Variants in DNMT3A observed in about 807,000 individuals in gnomAD.
DNMT3A encodes DNA (cytosine-5)-methyltransferase 3A.
A neutral mutation model predicts 117.6 loss-of-function variants in DNMT3A; 267 were observed. The ratio of observed to expected loss-of-function variants is 2.27; its 90% CI spans 2.05 to 2.51. The LOEUF (loss-of-function observed/expected upper bound fraction) is 2.51. DNMT3A is among the 30% of genes most tolerant of loss of function. The probability of loss-of-function intolerance (pLI) is 0.00; values close to 1 mark genes in which losing one functional copy is unlikely to be tolerated. For missense variants in DNMT3A, 1,029 were observed against 1,260.2 expected, an observed-to-expected ratio of 0.82 and a Z score of 2.78; for synonymous variants, 432 against 474.8, an observed-to-expected ratio of 0.91 and a Z score of 1.17.
At chr2:25,326,000 G>C (rs572875606) in intron 1 of DNMT3A, among the ~76,000 whole-genome samples, 16 of 152,294 alleles carry the variant, frequency 1.1e-4, no homozygotes, top group Non-Finnish European at 2.1e-4. Flanking sequence ...CACAGAATGG[G>C]ATAAGAAGAC....
rs1299779070 is a variant in DNMT3A, at chr2:25,248,189, C to A, written c.703G>T (p.Glu235Ter). The A allele has an allele frequency of 6.2e-7, 1 of 1,613,458 alleles. No homozygotes were observed. The highest frequency in any genetic ancestry group is 1.7e-4 in the Middle Eastern group (1 of 6,032). ...CTGGCCTCCTCCACCTTCTGAGACT[C>A]CCCGGGCCCCTGGTTTTCTTCCACA... ...NAVEENQGPG[E>*]SQKVEEASPP... The change falls in exon 7 of 23, where the codon GAG becomes TAG. Residue 235 changes from glutamate (E) to a stop codon, truncating the protein, a stop_gained. Transcript: ENST00000321117. LOFTEE classifies it high-confidence loss of function.
At chr2:25,269,598 A>G (rs13428812) in intron 6 of DNMT3A, among the ~76,000 whole-genome samples, 46,442 of 151,960 alleles carry the variant, frequency 0.31, 7,204 homozygotes, top group Middle Eastern at 0.39. Flanking sequence ...TGAAGACTTG[A>G]GAAATAGCCA....
intron 4 of DNMT3A, among the ~76,000 whole-genome samples, chr2:25,277,259 CCT>C (rs1323877063): frequency 1.3e-5 from 2 of 152,218 alleles, no homozygotes; most frequent in East Asian, 3.8e-4. Flanking sequence ...TCCTTTCCGT[CCT>C]CTCTCCCACC....
chr2:25,255,806 G>A (rs1676054259), intron 6 of DNMT3A, among the ~76,000 whole-genome samples: 1 of 152,162 alleles, frequency 6.6e-6, no homozygotes, highest in Non-Finnish European at 1.5e-5. Context: ...TCATTGAAGA[G>A]TCATGATCAT....
rs1349773028 is a variant in DNMT3A at position 25,314,006 on chromosome 2, G to A, written c.-22C>T. 2 of 1,523,222 alleles carry A rather than the reference G, an allele frequency of 1.3e-6. No homozygotes were observed. Among genetic ancestry groups the A allele is most frequent in the Non-Finnish European group, 1.8e-6 (2 of 1,134,382 alleles). The allele number at this position is 1,523,222 out of a possible 1,614,324, so 94.4% of individuals were successfully genotyped here. A position where few individuals can be genotyped will look rare whatever the true frequency, so the allele number is the denominator to read the frequency against. ...GCATCTGGGCGCCGGGAGGCAGGCT[G>A]GGGCTGCGCGGGGCTGGGGGGCTGC... On this transcript the variant is annotated 5_prime_UTR_variant, in exon 2 of 23. Transcript: ENST00000321117.
Position 25,239,181 on chromosome 2 carries a change from G to C in DNMT3A, c.2357C>G (p.Ser786Ter), listed in dbSNP as rs962973415. 2 of 1,614,098 alleles carry C rather than the reference G, an allele frequency of 1.2e-6. No homozygotes were observed. Among genetic ancestry groups the C allele is most frequent in the South Asian group, 1.1e-5 (1 of 91,070 alleles). ...GAAGTAGCGGGCCCTGTGTGCAGCT[G>C]ACACTTCTTTGGCATCAATCATCAC... ...NPVMIDAKEV[S>*]AAHRARYFWG... The change falls in exon 20 of 23, where the codon TCA (serine) becomes TGA (stop). Residue 786 changes from serine (S) to a stop codon, truncating the protein, a stop_gained. Transcript: ENST00000321117. LOFTEE classifies it high-confidence loss of function.
chr2:25,270,714 T>C (rs2030805779), intron 6 of DNMT3A, among the ~76,000 whole-genome samples: 1 of 152,024 alleles, frequency 6.6e-6, no homozygotes. Flanking sequence ...GGTTGCCGCT[T>C]GAGATCAGCT....
Position 25,241,662 on chromosome 2 carries a change from A to C in DNMT3A, c.1982T>G (p.Ile661Ser). The C allele has an allele frequency of 6.2e-7, 1 of 1,614,042 alleles. No homozygotes were observed. The highest frequency in any genetic ancestry group is 8.5e-7 in the Non-Finnish European group (1 of 1,179,966). ...GGAGTCCTCACACACCTCCGAGGCA[A>C]TGTAGCGGTCCACCTGAATGCCCAA... ...KDLGIQVDRY[I>S]ASEVCEDSIT... The change falls in exon 17 of 23, where the codon ATT (isoleucine) becomes AGT (serine). Residue 661 changes from isoleucine to serine, a missense_variant. By Grantham distance (142) the Ile-to-Ser change is moderately radical. Transcript: ENST00000321117.
In DNMT3A at chr2:25,300,750, T is replaced by C. The variant is rs868209377; in HGVS notation, c.73-507A>G. ...ATATATATATATATATATATATATA[T>C]ATATATATATATATATATAAATAAT... On this transcript the variant is annotated intron_variant, in intron 2 of 22. Coordinates refer to ENST00000321117, the MANE Select transcript of DNMT3A (RefSeq NM_022552.5). Among the ~76,000 whole-genome samples, 264 of 64,384 alleles carry C rather than the reference T, an allele frequency of 4.1e-3. 7 individuals are homozygous for C. The highest frequency in any genetic ancestry group is 6.4e-3 in the Non-Finnish European group (220 of 34,522). 42.2% of individuals were successfully genotyped at this position (64,384 alleles called of 152,430 possible).
chr2:25,308,159 T>TGTAG (rs370052940), intron 2 of DNMT3A, among the ~76,000 whole-genome samples: 15 of 151,944 alleles, frequency 9.9e-5, no homozygotes, highest in East Asian at 5.8e-4. Context: ...ACCACAAAGG[T>TGTAG]GTAGGTAGGT....
intron 4 of DNMT3A, among the ~76,000 whole-genome samples, chr2:25,278,065 G>A (rs945328338): frequency 4.7e-5 from 6 of 128,654 alleles, no homozygotes; most frequent in Non-Finnish European, 8.3e-5. Flanking sequence ...CAGCCTGGCC[G>A]GGCCGCCTCG....
rs955030565 is a variant in DNMT3A, at chr2:25,257,878, C to T, written c.640-9626G>A. Among the ~76,000 whole-genome samples, 1 of 152,180 alleles carries T rather than the reference C, an allele frequency of 6.6e-6. No individual in the cohort carries two copies. Among genetic ancestry groups the T allele is most frequent in the African/African-American group, 2.4e-5 (1 of 41,436 alleles). On this transcript the variant is annotated intron_variant, in intron 6 of 22. Coordinates refer to ENST00000321117, the MANE Select transcript of DNMT3A (RefSeq NM_022552.5). This position sits in a 1 kb window ranked among gnomAD's most constrained non-coding sequence, Gnocchi z 4.8. The stretch of plus-strand genomic sequence containing the variant: ...TGGCTGTGTCTGTTACAAATGAGAA[C>T]ACTGAGGCCTAGAGAGGCCCGAGCC...
intron 6 of DNMT3A, among the ~76,000 whole-genome samples, chr2:25,268,790 A>G (rs545600810): frequency 6.6e-6 from 1 of 152,254 alleles, no homozygotes; most frequent in East Asian, 1.9e-4. Flanking sequence ...ACCCCTGGAA[A>G]AACCACCTCG....
rs1446799461 is a variant in DNMT3A at position 25,233,202 on chromosome 2, A to C, written c.*1077T>G. 8.6e-6 allele frequency: 2 copies of C among 233,758 alleles called. No individual in the cohort carries two copies. The highest frequency in any genetic ancestry group is 1.2e-4 in the East Asian group (2 of 16,718). 14.5% of individuals were successfully genotyped at this position (233,758 alleles called of 1,614,324 possible). ...GGATGAATCCCACTCTCAGCTGTCC[A>C]CGGGCCCGACCACCTCATCTAGCCC... On this transcript the variant is annotated 3_prime_UTR_variant, in exon 23 of 23. Coordinates refer to ENST00000321117, the MANE Select transcript of DNMT3A (RefSeq NM_022552.5).
At chr2:25,292,055 G>C (rs954891841) in intron 3 of DNMT3A, among the ~76,000 whole-genome samples, 3 of 152,100 alleles carry the variant, frequency 2.0e-5, no homozygotes, top group Non-Finnish European at 4.4e-5. Flanking sequence ...GGGAGTTCGA[G>C]ACCAGCCTGG....
intron 6 of DNMT3A, among the ~76,000 whole-genome samples, chr2:25,249,175 T>G (rs554816980): frequency 6.6e-6 from 1 of 152,310 alleles, no homozygotes; most frequent in Admixed American, 6.5e-5. Flanking sequence ...GAGGATCACT[T>G]GAGCCCAGGA....
Position 25,249,848 on chromosome 2 carries a change from G to A in DNMT3A, c.640-1596C>T. The A allele has an allele frequency of 3.4e-6, 4 of 1,159,624 alleles. No homozygotes were observed. In the Admixed American group the frequency reaches 6.0e-5, roughly 17 times the overall value. The allele number at this position is 1,159,624 out of a possible 1,614,324, so 71.8% of individuals were successfully genotyped here. A position where few individuals can be genotyped will look rare whatever the true frequency, so the allele number is the denominator to read the frequency against. On this transcript the variant is annotated intron_variant, in intron 6 of 22. Coordinates refer to ENST00000321117, the MANE Select transcript of DNMT3A (RefSeq NM_022552.5). The stretch of plus-strand genomic sequence containing the variant: ...CCATTTCCACCATACCAGATTTAGA[G>A]GGGAGAAAACCCCATTTTCTACATG...
chr2:25,271,102 C>T (rs944612162), intron 6 of DNMT3A, among the ~76,000 whole-genome samples: 2 of 152,092 alleles, frequency 1.3e-5, no homozygotes, highest in East Asian at 1.9e-4. Context: ...CCCAGCACTT[C>T]GGGAGGCCAA....
In DNMT3A at chr2:25,252,016, G is replaced by T. The variant is rs1192017899; in HGVS notation, c.640-3764C>A. The T allele has an allele frequency of 5.4e-6, 4 of 735,292 alleles. No homozygotes were observed. In the Admixed American group the frequency reaches 1.1e-4, roughly 20 times the overall value. The allele number at this position is 735,292 out of a possible 1,614,324, so 45.5% of individuals were successfully genotyped here. On this transcript the variant is annotated intron_variant, in intron 6 of 22. Transcript: ENST00000321117. This position sits in a 1 kb window ranked among gnomAD's most constrained non-coding sequence, Gnocchi z 5.5. ...CCTTGGGGCTCGTGGGCAGGAAGGCGGCGGGCCAGCACTAAGTCAGCATCT... is the reference window on the plus strand; with the variant it reads ...CCTTGGGGCTCGTGGGCAGGAAGGCTGCGGGCCAGCACTAAGTCAGCATCT...
Sources: allele counts gnomAD v4.1 joint callset (sites outside exome capture counted in the v4.1 genomes callset), GRCh38; gene constraint gnomAD v4.1.1; non-coding constraint Gnocchi (gnomAD v3.1); transcripts MANE v1.5; gene names NCBI Gene and HGNC (gene_info 2026-07-23, HGNC 2026-07-21).